The following RFFL variants were observed in gnomAD, a reference collection of about 807,000 sequenced individuals.
The protein encoded by RFFL is ring finger and FYVE like domain containing E3 ubiquitin protein ligase, also known as E3 ubiquitin-protein ligase rififylin.
Under a neutral mutation model 40.4 loss-of-function variants are expected in RFFL, and 16 were observed. The ratio of observed to expected loss-of-function variants is 0.40; its 90% CI spans 0.27 to 0.60. The LOEUF (loss-of-function observed/expected upper bound fraction) is 0.60, where lower values mean the gene tolerates loss of function less well. Among genes scored for constraint, RFFL ranks in the 20% least tolerant of loss-of-function variants. RFFL has a pLI of 0.47. For synonymous variants in RFFL, 154 were observed against 167.9 expected (o/e 0.92, Z 0.64); for missense variants, 367 against 451.7 (o/e 0.81, Z 1.70).
intron 1 of RFFL, among the ~76,000 whole-genome samples, chr17:35,087,363 A>G (rs79170907): frequency 6.6e-6 from 1 of 151,998 alleles, no homozygotes; most frequent in Non-Finnish European, 1.5e-5. Context: ...AAAAAAAAAA[A>G]GGTGTTCCTA....
rs150048475 is a variant in RFFL, at chr17:35,038,391, G to A, written c.-8-11830C>T. Among the ~76,000 whole-genome samples the A allele has an allele frequency of 7.9e-3, 1,193 of 151,968 alleles. 19 individuals are homozygous for A. Among genetic ancestry groups the A allele is most frequent in the African/African-American group, 0.027 (1,101 of 41,446 alleles). ...GGAAATTTTGTGTGTGTGTGCGCGC[G>A]CGTGCATATACACGCGCACCCACAT... On this transcript the variant is annotated intron_variant, in intron 1 of 6. Coordinates refer to ENST00000394597, the MANE Select transcript of RFFL (RefSeq NM_001017368.2).
chr17:35,072,126 C>T (rs2091353849), intron 1 of RFFL, among the ~76,000 whole-genome samples: 1 of 151,630 alleles, frequency 6.6e-6, no homozygotes, highest in African/African-American at 2.4e-5. Context: ...AAAAAAAATA[C>T]AAAAATTAGC....
At chr17:35,028,476 C>A (rs1183470270) in intron 1 of RFFL, among the ~76,000 whole-genome samples, 1 of 152,000 alleles carries the variant, frequency 6.6e-6, no homozygotes, top group East Asian at 1.9e-4. Flanking sequence ...GTCAGAATAA[C>A]CTAACAATTG....
chr17:35,079,927 C>A (rs1038488569), intron 1 of RFFL, among the ~76,000 whole-genome samples: 31 of 152,192 alleles, frequency 2.0e-4, no homozygotes, highest in Non-Finnish European at 7.3e-5. Context: ...ATAAGAGAAT[C>A]TGGAAGATTA....
chr17:35,066,494 T>C (rs2091321621), upstream of RFFL, among the ~76,000 whole-genome samples: 1 of 152,226 alleles, frequency 6.6e-6, no homozygotes, highest in Non-Finnish European at 1.5e-5. Flanking sequence ...ATCAAATAGC[T>C]ATGTTTAGCT....
At chr17:35,079,515 G>A (rs1242700406) in intron 1 of RFFL, among the ~76,000 whole-genome samples, 5 of 152,190 alleles carry the variant, frequency 3.3e-5, no homozygotes, top group African/African-American at 7.2e-5. Context: ...TTGATGTGCT[G>A]TGGTGAGGAT....
chr17:35,056,654 G>A (rs1230961710), intron 1 of RFFL, among the ~76,000 whole-genome samples: 3 of 152,078 alleles, frequency 2.0e-5, no homozygotes, highest in African/African-American at 7.2e-5. Context: ...TGGGATTACA[G>A]GCGTGAGCCA....
chr17:35,071,924 C>T (rs1342194839), intron 1 of RFFL, among the ~76,000 whole-genome samples: 2 of 152,038 alleles, frequency 1.3e-5, no homozygotes, highest in Admixed American at 6.6e-5. Flanking sequence ...TGGTGTGACA[C>T]TAAGTGAAAA....
chr17:35,030,689 C>G (rs1462303514), intron 1 of RFFL, among the ~76,000 whole-genome samples: 1 of 152,012 alleles, frequency 6.6e-6, no homozygotes, highest in Admixed American at 6.6e-5. Flanking sequence ...CCTGCCTTGG[C>G]CTCCCAAAGT....
intron 1 of RFFL, among the ~76,000 whole-genome samples, chr17:35,050,102 C>T (rs909922981): frequency 1.3e-5 from 2 of 148,748 alleles, no homozygotes; most frequent in Non-Finnish European, 3.0e-5. Context: ...AAAAAATGGG[C>T]CTGTTGTAGT....
chr17:35,016,476 C>A lies in RFFL; in HGVS notation c.780G>T (p.Glu260Asp). 1 of 1,614,200 alleles carries A rather than the reference C, an allele frequency of 6.2e-7. No individual in the cohort carries two copies. The highest frequency in any genetic ancestry group is 8.5e-7 in the Non-Finnish European group (1 of 1,180,036). ...IEGLTVRQLK[E>D]ILARNFVNYK... ...AGTTGACAAAGTTGCGAGCCAAGAT[C>A]TCTTTCAGCTGCCGCACTGTCAGGC... Residue 260 changes from glutamate (E) to aspartate (D), a missense_variant, in exon 5 of 7, where the codon GAG becomes GAT. Coordinates refer to ENST00000394597, the MANE Select transcript of RFFL (RefSeq NM_001017368.2).
intron 1 of RFFL, among the ~76,000 whole-genome samples, chr17:35,035,592 C>A (rs548504380): frequency 6.6e-6 from 1 of 151,220 alleles, no homozygotes; most frequent in South Asian, 2.1e-4. Flanking sequence ...AACAGGTTTG[C>A]CAAAGTCAGC....
rs962441608 is a variant in RFFL at position 35,007,204 on chromosome 17, C to G, written c.*4764G>C. On this transcript the variant is annotated 3_prime_UTR_variant, in exon 7 of 7. Transcript: ENST00000394597. ...TTATTGGTTGCTTACACCCAGAGTG[C>G]ACACTCACAGGAAAGGGCCTCTGCT... The G allele has an allele frequency of 6.6e-6, 1 of 152,286 alleles. No individual in the cohort carries two copies. The highest frequency in any genetic ancestry group is 1.5e-5 in the Non-Finnish European group (1 of 68,096). The allele number at this position is 152,286 out of a possible 1,614,324, so 9.4% of individuals were successfully genotyped here. A position where few individuals can be genotyped will look rare whatever the true frequency, so the allele number is the denominator to read the frequency against.
intron 1 of RFFL, among the ~76,000 whole-genome samples, chr17:35,043,502 C>A (rs2091179395): frequency 6.6e-6 from 1 of 152,168 alleles, no homozygotes; most frequent in Non-Finnish European, 1.5e-5. Context: ...CCTCCTTTCA[C>A]ACAGAGATGT....
upstream of RFFL, among the ~76,000 whole-genome samples, chr17:35,065,574 AAAAG>A (rs1216866350): frequency 6.6e-6 from 1 of 151,962 alleles, no homozygotes; most frequent in Non-Finnish European, 1.5e-5. Context: ...AAAAAAAAAA[AAAAG>A]AAAGAGAAAA....
intron 1 of RFFL, among the ~76,000 whole-genome samples, chr17:35,087,085 C>T (rs950603619): frequency 9.9e-5 from 15 of 152,126 alleles, no homozygotes; most frequent in African/African-American, 2.2e-4. Flanking sequence ...TCCGGCCTGG[C>T]GCGGTGGCTC....
chr17:35,040,602 C>CAA (rs1314518844), intron 1 of RFFL, among the ~76,000 whole-genome samples: 6 of 122,190 alleles, frequency 4.9e-5, no homozygotes, highest in Non-Finnish European at 8.6e-5. Context: ...GACTCTCTCT[C>CAA]AAAAAAAAAA....
At chr17:35,012,252 A>C in intron 6 of RFFL, 103 bp from the exon 7 acceptor site, 1 of 967,306 alleles carries the variant, frequency 1.0e-6, no homozygotes, top group Non-Finnish European at 1.5e-6. Context: ...TAACAGGTAC[A>C]TTGTAAACAA....
intron 1 of RFFL, among the ~76,000 whole-genome samples, chr17:35,045,068 T>C (rs548791453): frequency 6.6e-6 from 1 of 151,242 alleles, no homozygotes; most frequent in African/African-American, 2.4e-5. Flanking sequence ...CTTATAACCA[T>C]AATTGATTTA....
Sources: allele counts gnomAD v4.1 joint callset (sites outside exome capture counted in the v4.1 genomes callset), GRCh38; gene constraint gnomAD v4.1.1; transcripts MANE v1.5; gene names NCBI Gene and HGNC (gene_info 2026-07-23, HGNC 2026-07-21).